KIF1B: variants seen among roughly 807,000 people sequenced by gnomAD.
KIF1B encodes the protein kinesin family member 1B, also known as kinesin-like protein KIF1B.
A neutral mutation model predicts 241.9 loss-of-function variants in KIF1B; 76 were observed. The observed-to-expected ratio is 0.31, with a 90% CI of 0.26 to 0.38. The LOEUF is 0.38. Among genes scored for constraint, KIF1B ranks in the 10% least tolerant of loss-of-function variants. The pLI is 1.00. For synonymous variants in KIF1B, 750 were observed against 796.7 expected (o/e 0.94, Z 0.99); for missense variants, 1,622 against 2,271.4 (o/e 0.71, Z 5.81).
intron 31 of KIF1B, among the ~76,000 whole-genome samples, chr1:10,338,436 C>A (rs908260712): frequency 6.6e-6 from 1 of 152,188 alleles, no homozygotes; most frequent in Non-Finnish European, 1.5e-5. Context: ...TGGAATATTA[C>A]CCATTGAGCA....
intron 17 of KIF1B, among the ~76,000 whole-genome samples, chr1:10,294,086 T>C (rs376218191): frequency 8.5e-5 from 13 of 152,332 alleles, no homozygotes; most frequent in African/African-American, 2.4e-4. Context: ...TATAGTTCCT[T>C]TTCCTACCCC....
At chr1:10,362,501 AG>A (rs1180607460) in intron 40 of KIF1B, among the ~76,000 whole-genome samples, 4 of 150,308 alleles carry the variant, frequency 2.7e-5, no homozygotes, top group African/African-American at 9.8e-5. Flanking sequence ...GAAAAGAAAA[AG>A]GAAAAAAAAA....
rs150210963 is a variant in KIF1B at position 10,247,849 on chromosome 1, G to A, written c.107-8398G>A. Among the ~76,000 whole-genome samples the A allele has an allele frequency of 2.3e-4, 35 of 152,254 alleles. No individual in the cohort carries two copies. In the East Asian group the frequency reaches 5.4e-3, roughly 24 times the overall value. Reference sequence around the variant, plus strand: ...TTTTTCCACAGACGGGGGTGGAAGTGTATGGTTTCGGGATGAAACCGTTCC... The same window carrying A: ...TTTTTCCACAGACGGGGGTGGAAGTATATGGTTTCGGGATGAAACCGTTCC... On this transcript the variant is annotated intron_variant, in intron 2 of 48. Coordinates refer to ENST00000676179, the MANE Select transcript of KIF1B (RefSeq NM_001365951.3).
chr1:10,248,781 C>T (rs1647290511), intron 2 of KIF1B, among the ~76,000 whole-genome samples: 1 of 152,072 alleles, frequency 6.6e-6, no homozygotes, highest in African/African-American at 2.4e-5. Context: ...GAAAGTAGAA[C>T]TGATAGGATA....
chr1:10,229,313 A>G (rs1646948064), intron 1 of KIF1B, among the ~76,000 whole-genome samples: 1 of 152,222 alleles, frequency 6.6e-6, no homozygotes, highest in Non-Finnish European at 1.5e-5. Context: ...AACATTTAAA[A>G]AACAAAAAAA....
rs561671769 is a variant in KIF1B, at chr1:10,242,864, G to A, written c.106+10430G>A. 3.3e-5 allele frequency among the ~76,000 whole-genome samples: 5 copies of A among 152,264 alleles called. No individual in the cohort carries two copies. In the South Asian group the frequency reaches 1.0e-3, roughly 32 times the overall value. On this transcript the variant is annotated intron_variant, in intron 2 of 48. Coordinates refer to ENST00000676179, the MANE Select transcript of KIF1B (RefSeq NM_001365951.3). ...CTCATATATGTGGACCTTCATGTAT[G>A]CAGCCCGCTGATGGACAGGTTGTTA...
chr1:10,347,279 A>G (rs1488044677), intron 35 of KIF1B, among the ~76,000 whole-genome samples: 2 of 152,342 alleles, frequency 1.3e-5, no homozygotes, highest in East Asian at 3.9e-4. Flanking sequence ...TACTATGTGT[A>G]GGATACTGTG....
At chr1:10,239,247 A>G (rs1015902434) in intron 2 of KIF1B, among the ~76,000 whole-genome samples, 5 of 152,184 alleles carry the variant, frequency 3.3e-5, no homozygotes, top group Non-Finnish European at 5.9e-5. Flanking sequence ...ATTATTTCCA[A>G]TGTCACCACG....
intron 37 of KIF1B, among the ~76,000 whole-genome samples, chr1:10,351,805 AAAAAT>A (rs767087190): frequency 2.0e-5 from 3 of 152,112 alleles, no homozygotes; most frequent in South Asian, 2.1e-4. Context: ...GTCTCTACAA[AAAAAT>A]AAAATAAAAT....
chr1:10,228,843 C>T (rs1428455286), intron 1 of KIF1B, among the ~76,000 whole-genome samples: 2 of 152,086 alleles, frequency 1.3e-5, no homozygotes, highest in Non-Finnish European at 2.9e-5. Context: ...TAGAAGTTTC[C>T]ATATGGTATT....
At chr1:10,235,830 C>G (rs1647042823) in intron 2 of KIF1B, among the ~76,000 whole-genome samples, 1 of 145,352 alleles carries the variant, frequency 6.9e-6, no homozygotes, top group Non-Finnish European at 1.5e-5. Flanking sequence ...CCACTGCACT[C>G]CGGCCTGGGC....
chr1:10,268,125 C>A, intron 6 of KIF1B, 27 bp from the exon 7 acceptor site: 1 of 1,480,210 alleles, frequency 6.8e-7, no homozygotes, highest in Non-Finnish European at 9.4e-7. Context: ...ATTCCCTTGT[C>A]ACGTGGTCAC....
chr1:10,310,577 G>A (rs897287220), intron 22 of KIF1B, among the ~76,000 whole-genome samples: 12 of 151,740 alleles, frequency 7.9e-5, no homozygotes, highest in South Asian at 4.1e-4. Context: ...GATCTAGCCC[G>A]AAGGCCATAG....
At chr1:10,213,624 A>G (rs1646725215) in intron 1 of KIF1B, among the ~76,000 whole-genome samples, 1 of 152,180 alleles carries the variant, frequency 6.6e-6, no homozygotes. Context: ...TTGGTCTTGT[A>G]AACTAACATG....
intron 22 of KIF1B, among the ~76,000 whole-genome samples, chr1:10,308,973 C>T (rs1458819980): frequency 6.6e-6 from 1 of 152,006 alleles, no homozygotes; most frequent in African/African-American, 2.4e-5. Flanking sequence ...ATTTATTTTC[C>T]TTTATATGGG....
At chr1:10,354,234 T>C (rs1011598124) in intron 38 of KIF1B, among the ~76,000 whole-genome samples, 2 of 152,234 alleles carry the variant, frequency 1.3e-5, no homozygotes, top group African/African-American at 4.8e-5. Context: ...TAAATATTTC[T>C]GTTCTCATTT....
At chr1:10,277,453 G>A (rs1461675568) in intron 12 of KIF1B, among the ~76,000 whole-genome samples, 1 of 152,088 alleles carries the variant, frequency 6.6e-6, no homozygotes, top group Non-Finnish European at 1.5e-5. Flanking sequence ...TCCTACTTCA[G>A]CCTCTCAAGT....
At chr1:10,249,243 G>C (rs1425680420) in intron 2 of KIF1B, among the ~76,000 whole-genome samples, 4 of 152,044 alleles carry the variant, frequency 2.6e-5, no homozygotes, top group Non-Finnish European at 5.9e-5. Context: ...CAAATTAGAA[G>C]TCCAACACAC....
intron 1 of KIF1B, among the ~76,000 whole-genome samples, chr1:10,220,397 T>TA (rs1553160022): frequency 0.082 from 11,782 of 143,876 alleles, 542 homozygotes; most frequent in Middle Eastern, 0.18. Flanking sequence ...GATAGATAGA[T>TA]GATAGATAGA....
Sources: gnomAD v4.1 joint callset for allele counts (sites outside exome capture counted in the v4.1 genomes callset) on GRCh38, gnomAD v4.1.1 for gene constraint, MANE v1.5 for transcripts, NCBI Gene and HGNC (gene_info 2026-07-23, HGNC 2026-07-21) for gene names.